The following KIF13B variants were observed in gnomAD, a reference collection of about 807,000 sequenced individuals.
KIF13B encodes kinesin-like protein KIF13B.
In KIF13B, 127 loss-of-function variants were observed where a neutral mutation model predicts 222.0. The observed-to-expected ratio is 0.57, with a 90% CI of 0.50 to 0.66. The LOEUF is 0.66. Among genes scored for constraint, KIF13B ranks in the 30% least tolerant of loss-of-function variants. The pLI is 0.00. For synonymous variants in KIF13B, 976 were observed against 919.0 expected, an observed-to-expected ratio of 1.06 and a Z score of -1.12; for missense variants, 2,173 against 2,379.0, an observed-to-expected ratio of 0.91 and a Z score of 1.80.
chr8:29,099,020 T>G, intron 36 of KIF13B, 113 bp downstream of exon 36: 1 of 843,852 alleles, frequency 1.2e-6, no homozygotes. Flanking sequence ...ATGAAACAAC[T>G]CGATGGACAT....
chr8:29,233,310 G>C (rs537914330), intron 2 of KIF13B, among the ~76,000 whole-genome samples: 1 of 152,130 alleles, frequency 6.6e-6, no homozygotes, highest in Non-Finnish European at 1.5e-5. Context: ...ACCCCAAAAG[G>C]AGAGGGAATA....
intron 21 of KIF13B, among the ~76,000 whole-genome samples, chr8:29,134,826 G>A (rs1172603830): frequency 6.6e-6 from 1 of 152,154 alleles, no homozygotes; most frequent in East Asian, 1.9e-4. Flanking sequence ...GTTAGTGAAT[G>A]ATGACCATTT....
chr8:29,219,460 G>A (rs748472607), intron 2 of KIF13B: 2 of 152,228 alleles, frequency 1.3e-5, no homozygotes, highest in African/African-American at 4.8e-5. Flanking sequence ...GAGTAGAAAA[G>A]AAAATGAAGA....
intron 1 of KIF13B, among the ~76,000 whole-genome samples, chr8:29,253,828 CAA>C (rs1163069689): frequency 0.024 from 508 of 21,408 alleles, 1 homozygote; most frequent in African/African-American, 0.077. Context: ...GAGACTGTCT[CAA>C]AAAAAAAAAA....
In KIF13B at chr8:29,186,443, T is replaced by G. The variant is rs1812932205; in HGVS notation, c.346A>C (p.Thr116Pro). The change falls in exon 6 of 40, where the codon ACA (threonine) becomes CCA (proline). Residue 116 changes from threonine (T) to proline (P), a missense_variant. Thr to Pro is a conservative substitution (Grantham distance 38). Around this residue, in one of 2 missense-constraint regions of KIF13B, gnomAD observed 1,480 missense variants for 1,722.8 expected, o/e 0.86. Transcript: ENST00000524189. Reference protein sequence around the residue: ...GSGKSYTMMGTADQPGLIPRL... With the variant: ...GSGKSYTMMGPADQPGLIPRL... ...GGGATTAATCCAGGTTGGTCAGCTG[T>G]GCCCATCATGGTATAAGATTTTCCA... 6.2e-7 allele frequency: 1 copy of G among 1,611,418 alleles called. No homozygotes were observed. The highest frequency in any genetic ancestry group is 1.3e-5 in the African/African-American group (1 of 74,730).
chr8:29,256,906 C>A (rs1383965685), intron 1 of KIF13B, among the ~76,000 whole-genome samples: 1 of 152,130 alleles, frequency 6.6e-6, no homozygotes, highest in Non-Finnish European at 1.5e-5. Flanking sequence ...AGGCACTCAC[C>A]ACCACACCCA....
At chr8:29,134,659 A>C (rs531086974) in intron 21 of KIF13B, among the ~76,000 whole-genome samples, 3 of 152,334 alleles carry the variant, frequency 2.0e-5, no homozygotes, top group African/African-American at 7.2e-5. Context: ...AATATCAAGG[A>C]AAGAGCAAAA....
intron 27 of KIF13B, 145 bp downstream of exon 27, chr8:29,123,879 T>G: frequency 1.6e-6 from 1 of 628,416 alleles, no homozygotes; most frequent in Non-Finnish European, 2.8e-6. Flanking sequence ...GGATATGACA[T>G]AAACAAAGAG....
In KIF13B at chr8:29,173,258, C is replaced by A. The variant is rs554272139; in HGVS notation, c.945+2810G>T. Among the ~76,000 whole-genome samples, 95 of 152,126 alleles carry A rather than the reference C, an allele frequency of 6.2e-4. 1 individual carries two copies. In the South Asian group the frequency reaches 0.019, roughly 31 times the overall value. On this transcript the variant is annotated intron_variant, in intron 10 of 39. Coordinates refer to ENST00000524189, the MANE Select transcript of KIF13B (RefSeq NM_015254.4). Reference sequence around the variant, plus strand: ...TTTTAAATGGACTCAAGTAGCAACACTGAAACAAGGACAATATATGATCAG... The same window carrying A: ...TTTTAAATGGACTCAAGTAGCAACAATGAAACAAGGACAATATATGATCAG...
At chr8:29,088,960 C>A (rs1365765881) in intron 37 of KIF13B, among the ~76,000 whole-genome samples, 1 of 152,156 alleles carries the variant, frequency 6.6e-6, no homozygotes, top group Admixed American at 6.5e-5. Flanking sequence ...TCAACTAAAT[C>A]CAAAATGAAA....
At chr8:29,082,788 G>C (rs1335463716) in intron 37 of KIF13B, among the ~76,000 whole-genome samples, 1 of 152,188 alleles carries the variant, frequency 6.6e-6, no homozygotes, top group Non-Finnish European at 1.5e-5. Flanking sequence ...GTCCATGAAG[G>C]ATTAAGGATG....
chr8:29,095,764 T>A (rs1465090349), intron 36 of KIF13B, among the ~76,000 whole-genome samples: 1 of 151,516 alleles, frequency 6.6e-6, no homozygotes, highest in Admixed American at 6.6e-5. Flanking sequence ...CAAAACTTCA[T>A]CTCAAAAAAA....
chr8:29,133,590 CA>C (rs1810438067), intron 22 of KIF13B, among the ~76,000 whole-genome samples: 1 of 152,044 alleles, frequency 6.6e-6, no homozygotes, highest in Non-Finnish European at 1.5e-5. Flanking sequence ...GACTCTGTCT[CA>C]AAACAAAACA....
At chr8:29,111,285 A>T (rs144635632) in intron 32 of KIF13B, among the ~76,000 whole-genome samples, 7 of 152,342 alleles carry the variant, frequency 4.6e-5, no homozygotes, top group African/African-American at 1.7e-4. Flanking sequence ...CAGGGTCTGG[A>T]GGGAACAGAT....
intron 2 of KIF13B, among the ~76,000 whole-genome samples, chr8:29,197,336 CAAAAAAAAAAAA>C (rs71222598): frequency 8.7e-5 from 5 of 57,772 alleles, no homozygotes; most frequent in East Asian, 5.7e-4. Flanking sequence ...GACTCCGTCT[CAAAAAAAAAAAA>C]AAAAAAAAAA....
chr8:29,115,279 C>T (rs1039414793), intron 31 of KIF13B, among the ~76,000 whole-genome samples: 12 of 151,080 alleles, frequency 7.9e-5, no homozygotes, highest in South Asian at 4.2e-4. Flanking sequence ...GATCCCCAGA[C>T]GCAATCTCCC....
intron 1 of KIF13B, among the ~76,000 whole-genome samples, chr8:29,248,592 C>T (rs1215526413): frequency 6.6e-6 from 1 of 152,116 alleles, no homozygotes; most frequent in African/African-American, 2.4e-5. Context: ...TATTCATTAC[C>T]ATGAGAACAG....
chr8:29,168,869 T>TG (rs1338041567), intron 10 of KIF13B, among the ~76,000 whole-genome samples: 2 of 152,356 alleles, frequency 1.3e-5, no homozygotes, highest in African/African-American at 4.8e-5. Context: ...GCTGTTCCTC[T>TG]GGGGGTAATC....
At chr8:29,101,456 T>C (rs911721198) in intron 35 of KIF13B, among the ~76,000 whole-genome samples, 7 of 152,130 alleles carry the variant, frequency 4.6e-5, no homozygotes, top group African/African-American at 1.2e-4. Flanking sequence ...TGACGTAGAA[T>C]TGGGCCAACG....
Sources: gnomAD v4.1 joint callset for allele counts (sites outside exome capture counted in the v4.1 genomes callset) on GRCh38, gnomAD v4.1.1 for gene constraint, gnomAD v4.1.1 regional missense constraint, MANE v1.5 for transcripts, NCBI Gene and HGNC (gene_info 2026-07-23, HGNC 2026-07-21) for gene names.